The following INPP4A variants were observed in gnomAD, a reference collection of about 807,000 sequenced individuals.
INPP4A encodes the protein inositol polyphosphate-4-phosphatase, type I, 107kD.
A neutral mutation model predicts 119.8 loss-of-function variants in INPP4A; 33 were observed. That is an observed-to-expected ratio of 0.28 (90% CI 0.21 to 0.37). The LOEUF (loss-of-function observed/expected upper bound fraction) is 0.37, where lower values mean the gene tolerates loss of function less well. Ranked by LOEUF, INPP4A falls within the 10% of genes least tolerant of loss-of-function variation. The pLI is 1.00. For missense variants in INPP4A, 956 were observed against 1,289.9 expected (o/e 0.74, Z 3.97); for synonymous variants, 496 against 500.7 (o/e 0.99, Z 0.12).
chr2:98,507,324 A>T (rs1038803782), intron 1 of INPP4A, among the ~76,000 whole-genome samples: 4 of 152,238 alleles, frequency 2.6e-5, no homozygotes, highest in Admixed American at 2.0e-4. Context: ...TAAATGTTCT[A>T]AACAAAAGAG....
intron 7 of INPP4A, among the ~76,000 whole-genome samples, 198 bp from the exon 8 acceptor site, chr2:98,537,665 C>G (rs1365839396): frequency 6.6e-6 from 1 of 152,172 alleles, no homozygotes; most frequent in Admixed American, 6.5e-5. Context: ...ACACAGCCCT[C>G]CACTGTGCCC....
At chr2:98,493,159 G>A (rs1401010804) in intron 1 of INPP4A, among the ~76,000 whole-genome samples, 1 of 152,124 alleles carries the variant, frequency 6.6e-6, no homozygotes, top group Non-Finnish European at 1.5e-5. Flanking sequence ...GAACATGTTG[G>A]TGACTCCCTT....
Position 98,587,802 on chromosome 2 carries a change from A to C in INPP4A, c.*194A>C, listed in dbSNP as rs943709118. 2.0e-5 allele frequency: 10 copies of C among 499,094 alleles called. No homozygotes were observed. Among genetic ancestry groups the C allele is most frequent in the Non-Finnish European group, 3.5e-5 (10 of 289,152 alleles). The allele number at this position is 499,094 out of a possible 1,614,324, so 30.9% of individuals were successfully genotyped here. A position where few individuals can be genotyped will look rare whatever the true frequency, so the allele number is the denominator to read the frequency against. ...TTTTTTCCCCATTGGAATCAATAGGAGGTAATGTTTGGCTCAATAGTGTGG... is the reference window on the plus strand; with the variant it reads ...TTTTTTCCCCATTGGAATCAATAGGCGGTAATGTTTGGCTCAATAGTGTGG... On this transcript the variant is annotated 3_prime_UTR_variant, in exon 25 of 25. Coordinates refer to ENST00000409851, the MANE Select transcript of INPP4A (RefSeq NM_001134225.2).
chr2:98,458,037 TG>T (rs1696457948), intron 1 of INPP4A, among the ~76,000 whole-genome samples: 1 of 151,430 alleles, frequency 6.6e-6, no homozygotes, highest in Admixed American at 6.6e-5. Flanking sequence ...CAGGCTGGTC[TG>T]GAACTCCTGG....
intron 17 of INPP4A, among the ~76,000 whole-genome samples, chr2:98,559,882 C>G (rs1446910946): frequency 6.6e-6 from 1 of 152,222 alleles, no homozygotes; most frequent in East Asian, 1.9e-4. Context: ...AATGTAATCT[C>G]TTTGCTTCCT....
chr2:98,446,854 T>A (rs1046051720), intron 1 of INPP4A, among the ~76,000 whole-genome samples: 6 of 152,076 alleles, frequency 3.9e-5, no homozygotes, highest in African/African-American at 4.8e-5. Flanking sequence ...TTAGCGTTTT[T>A]TAAAAAAAAA....
intron 1 of INPP4A, among the ~76,000 whole-genome samples, chr2:98,518,748 C>A (rs1239860756): frequency 1.3e-5 from 2 of 152,204 alleles, no homozygotes; most frequent in Non-Finnish European, 2.9e-5. Flanking sequence ...ACTCCCCCAG[C>A]AGATCAGCCC....
At position 98,554,159 on chromosome 2, in the gene INPP4A, G is replaced by T; in HGVS notation, c.1348-112G>T. 1 of 760,786 alleles carries T rather than the reference G, an allele frequency of 1.3e-6. No homozygotes were observed. 47.1% of individuals were successfully genotyped at this position (760,786 alleles called of 1,614,324 possible). On this transcript the variant is annotated intron_variant, in intron 14 of 24. Coordinates refer to ENST00000409851, the MANE Select transcript of INPP4A (RefSeq NM_001134225.2). The surrounding 1 kb of genome is among the most constrained non-coding windows in gnomAD (Gnocchi z 4.7). ...CAGTTGCTTTGCACTGTGGAGAAAG[G>T]CAGAGGGGTGCAGTGCTGGGCTTTA... is the stretch of plus-strand genomic sequence containing the variant.
intron 16 of INPP4A, among the ~76,000 whole-genome samples, chr2:98,557,739 G>C (rs1559072094): frequency 6.6e-6 from 1 of 152,244 alleles, no homozygotes; most frequent in Non-Finnish European, 1.5e-5. Context: ...GCAGGTGAGG[G>C]TCACCCAGGG....
chr2:98,467,766 T>C (rs138801710), intron 1 of INPP4A, among the ~76,000 whole-genome samples: 3 of 152,362 alleles, frequency 2.0e-5, no homozygotes, highest in African/African-American at 7.2e-5. Context: ...TGATTTTAAA[T>C]TAGAAAAGGA....
intron 1 of INPP4A, among the ~76,000 whole-genome samples, chr2:98,450,838 C>A (rs1375797009): frequency 6.6e-6 from 1 of 152,160 alleles, no homozygotes; most frequent in Non-Finnish European, 1.5e-5. Flanking sequence ...AGCCTGCAAC[C>A]TCGGCTCACT....
rs1697260884 is a variant in INPP4A at position 98,570,565 on chromosome 2, A to C, written c.2518+1897A>C. 6.6e-6 allele frequency among the ~76,000 whole-genome samples: 1 copy of C among 151,938 alleles called. No homozygotes were observed. The highest frequency in any genetic ancestry group is 2.1e-4 in the South Asian group (1 of 4,814). The stretch of plus-strand genomic sequence containing the variant: ...TGTCCCAAAGACTGTCAGCAACTTG[A>C]GGGATGGGGCTGTGGGCAGGTGGGA... On this transcript the variant is annotated intron_variant, in intron 22 of 24. Coordinates refer to ENST00000409851, the MANE Select transcript of INPP4A (RefSeq NM_001134225.2). The surrounding 1 kb of genome is among the most constrained non-coding windows in gnomAD (Gnocchi z 4.3).
At chr2:98,472,854 C>T (rs1442555420) in intron 1 of INPP4A, among the ~76,000 whole-genome samples, 8 of 152,228 alleles carry the variant, frequency 5.3e-5, no homozygotes, top group African/African-American at 1.9e-4. Flanking sequence ...CTCCAGGCCT[C>T]CCTCTCCATG....
At chr2:98,494,016 T>C (rs1681394680) in intron 1 of INPP4A, among the ~76,000 whole-genome samples, 1 of 152,206 alleles carries the variant, frequency 6.6e-6, no homozygotes, top group Non-Finnish European at 1.5e-5. Context: ...AAGAAACATT[T>C]ATTCAAGAAA....
At chr2:98,576,079 T>C (rs1449711132) in intron 23 of INPP4A, among the ~76,000 whole-genome samples, 5 of 152,226 alleles carry the variant, frequency 3.3e-5, no homozygotes, top group African/African-American at 1.2e-4. Flanking sequence ...ATTGCCACAC[T>C]GAAAAGTATG....
At chr2:98,520,189 A>G in intron 3 of INPP4A, 35 bp downstream of exon 3, 1 of 1,471,966 alleles carries the variant, frequency 6.8e-7, no homozygotes, top group Non-Finnish European at 9.3e-7. Context: ...GGCTCCAGGT[A>G]TGAGCTCACA....
chr2:98,572,324 G>A (rs1046695016), intron 22 of INPP4A, among the ~76,000 whole-genome samples: 5 of 152,218 alleles, frequency 3.3e-5, no homozygotes, highest in Non-Finnish European at 7.3e-5. Flanking sequence ...GGCTTCTCTG[G>A]GTCCCGCAGA....
At chr2:98,520,834 G>GCTGCTGCCACCA in intron 4 of INPP4A, 103 bp downstream of exon 4, 2 of 655,178 alleles carry the variant, frequency 3.1e-6, no homozygotes, top group South Asian at 3.8e-5. Flanking sequence ...AGAGCTTGCT[G>GCTGCTGCCACCA]CTGCTGCCAC....
intron 1 of INPP4A, among the ~76,000 whole-genome samples, chr2:98,495,132 T>A (rs145510528): frequency 6.6e-6 from 1 of 152,080 alleles, no homozygotes; most frequent in African/African-American, 2.4e-5. Flanking sequence ...GTTGCTACAG[T>A]GTCTTAGCTA....
Sources: gnomAD v4.1 joint callset for allele counts (sites outside exome capture counted in the v4.1 genomes callset) on GRCh38, gnomAD v4.1.1 for gene constraint, Gnocchi (gnomAD v3.1) non-coding constraint, MANE v1.5 for transcripts, NCBI Gene and HGNC (gene_info 2026-07-23, HGNC 2026-07-21) for gene names.